DPP10: variants seen among roughly 807,000 people sequenced by gnomAD.
The protein encoded by DPP10 is dipeptidyl peptidase like 10.
A neutral mutation model predicts 120.9 loss-of-function variants in DPP10; 33 were observed. The ratio of observed to expected loss-of-function variants is 0.27; its 90% CI spans 0.21 to 0.37. DPP10 has a LOEUF of 0.37. Ranked by LOEUF, DPP10 falls within the 10% of genes least tolerant of loss-of-function variation. DPP10 has a pLI of 1.00. For synonymous variants in DPP10, 337 were observed against 326.1 expected, an observed-to-expected ratio of 1.03 and a Z score of -0.36; for missense variants, 816 against 942.8, an observed-to-expected ratio of 0.87 and a Z score of 1.76.
intron 1 of DPP10, among the ~76,000 whole-genome samples, chr2:114,880,007 G>A (rs944513888): frequency 5.3e-5 from 8 of 152,118 alleles, no homozygotes; most frequent in South Asian, 2.1e-4. Context: ...ATGCTACCAC[G>A]TAAAGCGTTT....
intron 1 of DPP10, among the ~76,000 whole-genome samples, chr2:114,449,014 G>T (rs1558768587): frequency 6.6e-6 from 1 of 152,180 alleles, no homozygotes; most frequent in Non-Finnish European, 1.5e-5. Context: ...TCTCAAAGAA[G>T]TATACTGACA....
chr2:115,253,025 G>T (rs2058821014), intron 1 of DPP10, among the ~76,000 whole-genome samples: 1 of 152,194 alleles, frequency 6.6e-6, no homozygotes, highest in Non-Finnish European at 1.5e-5. Context: ...ATGAAGAAAA[G>T]AGGTTTAACT....
chr2:115,051,391 C>A, intron 1 of DPP10, among the ~76,000 whole-genome samples: 1 of 151,352 alleles, frequency 6.6e-6, no homozygotes, highest in East Asian at 1.9e-4. Context: ...AAAAAACTAT[C>A]AACCAAGAAA....
At chr2:115,092,152 TTCA>T (rs1709318881) in intron 1 of DPP10, among the ~76,000 whole-genome samples, 1 of 152,202 alleles carries the variant, frequency 6.6e-6, no homozygotes, top group African/African-American at 2.4e-5. Flanking sequence ...TTTGTGCTAG[TTCA>T]TCACACTAAT....
chr2:115,637,053 T>C (rs935518232), intron 5 of DPP10, among the ~76,000 whole-genome samples: 1 of 152,156 alleles, frequency 6.6e-6, no homozygotes, highest in Non-Finnish European at 1.5e-5. Flanking sequence ...GGGTAAAATA[T>C]ATGTTTGAAC....
intron 1 of DPP10, among the ~76,000 whole-genome samples, chr2:114,706,884 T>C (rs1032409714): frequency 1.3e-5 from 2 of 151,460 alleles, no homozygotes; most frequent in Non-Finnish European, 3.0e-5. Flanking sequence ...AGGAGGGGGA[T>C]GTGAAAATAT....
intron 1 of DPP10, among the ~76,000 whole-genome samples, chr2:115,143,153 A>G (rs971136859): frequency 6.6e-6 from 1 of 152,090 alleles, no homozygotes; most frequent in Non-Finnish European, 1.5e-5. Flanking sequence ...TCTAGGAGGG[A>G]CAGTAGGTCA....
At chr2:115,074,579 A>G (rs1707636258) in intron 1 of DPP10, among the ~76,000 whole-genome samples, 2 of 152,208 alleles carry the variant, frequency 1.3e-5, no homozygotes, top group South Asian at 4.1e-4. Flanking sequence ...AGGTAGACAG[A>G]TGTTGATCAA....
chr2:115,157,260 A>AAG (rs1553502258), intron 1 of DPP10, among the ~76,000 whole-genome samples: 27 of 151,790 alleles, frequency 1.8e-4, no homozygotes, highest in Admixed American at 1.0e-3. Context: ...AAAAAAAAAA[A>AAG]AGAGAGATTT....
chr2:114,693,948 G>A (rs112091334), intron 1 of DPP10, among the ~76,000 whole-genome samples: 15 of 151,916 alleles, frequency 9.9e-5, no homozygotes, highest in Admixed American at 3.9e-4. Flanking sequence ...TTGTGTTTAC[G>A]TGTGCACGTG....
intron 7 of DPP10, among the ~76,000 whole-genome samples, chr2:115,708,633 T>C (rs1424548927): frequency 6.6e-6 from 1 of 152,036 alleles, no homozygotes; most frequent in Non-Finnish European, 1.5e-5. Context: ...AAAGAGCTTT[T>C]TTTGGGGAAA....
In DPP10 at chr2:115,681,413, A is replaced by G. The variant is rs565506574; in HGVS notation, c.442-8274A>G. Among the ~76,000 whole-genome samples the G allele has an allele frequency of 1.8e-4, 27 of 151,956 alleles. No individual in the cohort carries two copies. The South Asian group carries it at 5.2e-3, about 29-fold the overall frequency. Reference sequence around the variant, plus strand: ...TAATTATGTATGAGGGTATAGTGTTATGCAAAGTTACAAATACAAAATCAA... The same window carrying G: ...TAATTATGTATGAGGGTATAGTGTTGTGCAAAGTTACAAATACAAAATCAA... On this transcript the variant is annotated intron_variant, in intron 5 of 25. Coordinates refer to ENST00000410059, the MANE Select transcript of DPP10 (RefSeq NM_020868.6).
intron 3 of DPP10, among the ~76,000 whole-genome samples, chr2:115,369,560 A>C (rs546831268): frequency 2.0e-5 from 3 of 152,216 alleles, no homozygotes; most frequent in African/African-American, 7.2e-5. Context: ...GCTGTGGGCA[A>C]ATATTTCCAG....
At chr2:115,562,946 G>A (rs2080780106) in intron 5 of DPP10, among the ~76,000 whole-genome samples, 1 of 152,314 alleles carries the variant, frequency 6.6e-6, no homozygotes, top group Non-Finnish European at 1.5e-5. Context: ...TTCCCGGTCA[G>A]GAAAGTTTGA....
intron 3 of DPP10, among the ~76,000 whole-genome samples, chr2:115,489,151 C>T (rs140408062): frequency 9.9e-4 from 151 of 152,120 alleles, no homozygotes; most frequent in African/African-American, 3.0e-3. Flanking sequence ...TAAGGCTTTG[C>T]GGGCCATATT....
chr2:114,800,370 G>A (rs1454457079), intron 1 of DPP10, among the ~76,000 whole-genome samples: 1 of 152,166 alleles, frequency 6.6e-6, no homozygotes, highest in African/African-American at 2.4e-5. Flanking sequence ...CAGATAATGT[G>A]TTTTATTTTT....
At chr2:115,802,247 G>A (rs1256570651) in intron 19 of DPP10, among the ~76,000 whole-genome samples, 1 of 152,106 alleles carries the variant, frequency 6.6e-6, no homozygotes, top group Non-Finnish European at 1.5e-5. Flanking sequence ...TTCTCTGACG[G>A]TAGTTTGTAT....
intron 1 of DPP10, among the ~76,000 whole-genome samples, chr2:114,919,211 G>A (rs1231005933): frequency 1.3e-5 from 2 of 152,066 alleles, no homozygotes; most frequent in Non-Finnish European, 2.9e-5. Flanking sequence ...AAATATATAT[G>A]AGGCATAACA....
intron 1 of DPP10, among the ~76,000 whole-genome samples, chr2:115,115,900 C>T (rs980133661): frequency 6.6e-6 from 1 of 152,074 alleles, no homozygotes; most frequent in Non-Finnish European, 1.5e-5. Flanking sequence ...TCGCAAAGTA[C>T]TTTGAAAAGA....
Sources: gnomAD v4.1 joint callset for allele counts (sites outside exome capture counted in the v4.1 genomes callset) on GRCh38, gnomAD v4.1.1 for gene constraint, MANE v1.5 for transcripts, NCBI Gene and HGNC (gene_info 2026-07-23, HGNC 2026-07-21) for gene names.